Variants in PPFIA2 observed in about 807,000 individuals in gnomAD.
The protein encoded by PPFIA2 is liprin-alpha-2.
In PPFIA2, 46 loss-of-function variants were observed where a neutral mutation model predicts 175.5. That is an observed-to-expected ratio of 0.26 (90% CI 0.21 to 0.34). PPFIA2 has a LOEUF of 0.34. Among genes scored for constraint, PPFIA2 ranks in the 10% least tolerant of loss-of-function variants. The probability of loss-of-function intolerance (pLI) is 1.00; values close to 1 mark genes in which losing one functional copy is unlikely to be tolerated. For synonymous variants in PPFIA2, 568 were observed against 511.4 expected (o/e 1.11, Z -1.49); for missense variants, 1,179 against 1,506.1 (o/e 0.78, Z 3.60).
rs75720461 is a variant in PPFIA2, at chr12:81,420,754, T to A, written c.646-14851A>T. 5.0e-3 allele frequency among the ~76,000 whole-genome samples: 757 copies of A among 151,778 alleles called. 8 individuals are homozygous for A. Among genetic ancestry groups the A allele is most frequent in the African/African-American group, 0.017 (710 of 41,432 alleles). On this transcript the variant is annotated intron_variant, in intron 7 of 32. Coordinates refer to ENST00000549396, the MANE Select transcript of PPFIA2 (RefSeq NM_003625.5). ...GAAAGAAATTGATAGAAAGCATATT[T>A]AGAGAAATAACAGCTGAAAAATCCC...
intron 4 of PPFIA2, among the ~76,000 whole-genome samples, chr12:81,645,538 G>A (rs900048465): frequency 1.1e-4 from 16 of 152,294 alleles, no homozygotes; most frequent in Admixed American, 9.2e-4. Flanking sequence ...ATTGATCCCA[G>A]GCTAAAAATG....
At chr12:81,616,193 G>T (rs1019861928) in intron 4 of PPFIA2, among the ~76,000 whole-genome samples, 24 of 152,048 alleles carry the variant, frequency 1.6e-4, no homozygotes, top group African/African-American at 5.8e-4. Context: ...TCAGTATATT[G>T]TAGAAATAAC....
Position 81,258,681 on chromosome 12 carries a change from T to C in PPFIA2, c.*1013A>G, listed in dbSNP as rs1284644476. On this transcript the variant is annotated 3_prime_UTR_variant, in exon 33 of 33. Transcript: ENST00000549396. The stretch of plus-strand genomic sequence containing the variant: ...CATCTCGGCTAAAAGCTTATAACAT[T>C]AGACATGAGTCTGGCTAATGCCCTG... The C allele has an allele frequency of 6.6e-6, 1 of 152,100 alleles. No homozygotes were observed. Among genetic ancestry groups the C allele is most frequent in the Non-Finnish European group, 1.5e-5 (1 of 68,018 alleles). 9.4% of individuals were successfully genotyped at this position (152,100 alleles called of 1,614,324 possible). A position where few individuals can be genotyped will look rare whatever the true frequency, so the allele number is the denominator to read the frequency against.
At chr12:81,691,796 A>T (rs531825937) in intron 3 of PPFIA2, among the ~76,000 whole-genome samples, 1 of 152,136 alleles carries the variant, frequency 6.6e-6, no homozygotes, top group Non-Finnish European at 1.5e-5. Flanking sequence ...AAACACCAAG[A>T]AACAGTATTT....
At chr12:81,565,301 C>A (rs942261972) in intron 4 of PPFIA2, among the ~76,000 whole-genome samples, 1 of 152,134 alleles carries the variant, frequency 6.6e-6, no homozygotes, top group Non-Finnish European at 1.5e-5. Context: ...GCTTCTAGAC[C>A]TATAACTAGA....
chr12:81,268,132 CTT>C (rs746893824), intron 28 of PPFIA2, 45 bp from the exon 29 acceptor site: 21,018 of 605,752 alleles, frequency 0.035, no homozygotes, highest in Middle Eastern at 0.047. Context: ...ATTTTTCTTT[CTT>C]TTTTTTTTTT....
intron 4 of PPFIA2, among the ~76,000 whole-genome samples, chr12:81,521,651 CAAAAA>C (rs1167533871): frequency 1.1e-5 from 1 of 87,532 alleles, no homozygotes; most frequent in Non-Finnish European, 2.5e-5. Context: ...TAATAAAATA[CAAAAA>C]AAAAAAAAAA....
At chr12:81,433,824 A>C (rs537181366) in intron 7 of PPFIA2, among the ~76,000 whole-genome samples, 19 of 152,298 alleles carry the variant, frequency 1.2e-4, no homozygotes, top group Admixed American at 1.0e-3. Flanking sequence ...CAGTAAACTA[A>C]CTACATAGGC....
At chr12:81,741,783 G>T (rs531961486) in intron 3 of PPFIA2, among the ~76,000 whole-genome samples, 6 of 151,954 alleles carry the variant, frequency 3.9e-5, no homozygotes, top group African/African-American at 1.4e-4. Context: ...GCCCAATGGA[G>T]GAAGAAAGAG....
intron 17 of PPFIA2, among the ~76,000 whole-genome samples, chr12:81,351,595 G>A (rs1384033970): frequency 2.0e-5 from 3 of 151,922 alleles, no homozygotes; most frequent in African/African-American, 7.2e-5. Context: ...ACAGCCACAA[G>A]CACTAAGATT....
intron 4 of PPFIA2, among the ~76,000 whole-genome samples, chr12:81,583,488 A>C (rs948628578): frequency 1.3e-5 from 2 of 151,896 alleles, no homozygotes; most frequent in Admixed American, 1.3e-4. Context: ...GAGAAAATAC[A>C]TATTTTCCTT....
At chr12:81,311,350 G>T (rs916831799) in intron 22 of PPFIA2, among the ~76,000 whole-genome samples, 1 of 152,288 alleles carries the variant, frequency 6.6e-6, no homozygotes, top group South Asian at 2.1e-4. Context: ...CTCCAGGGAA[G>T]AACAGCATTT....
chr12:81,538,927 C>T (rs1295895249), intron 4 of PPFIA2, among the ~76,000 whole-genome samples: 1 of 151,770 alleles, frequency 6.6e-6, no homozygotes, highest in Non-Finnish European at 1.5e-5. Context: ...CATAGAGCGA[C>T]CAGGGTAGAA....
At chr12:81,612,193 A>G (rs574935693) in intron 4 of PPFIA2, among the ~76,000 whole-genome samples, 7 of 151,054 alleles carry the variant, frequency 4.6e-5, no homozygotes, top group African/African-American at 1.7e-4. Context: ...CATACATCCT[A>G]CTTCTGGGCC....
At chr12:81,740,343 CTT>C (rs1476791793) in intron 3 of PPFIA2, among the ~76,000 whole-genome samples, 1 of 152,152 alleles carries the variant, frequency 6.6e-6, no homozygotes, top group Non-Finnish European at 1.5e-5. Flanking sequence ...TGTTATGACT[CTT>C]AAGTAATCAA....
chr12:81,649,262 G>A (rs931645207), intron 4 of PPFIA2, among the ~76,000 whole-genome samples: 1 of 152,000 alleles, frequency 6.6e-6, no homozygotes. Flanking sequence ...TCCATAACAA[G>A]AAGATTAAAA....
intron 21 of PPFIA2, among the ~76,000 whole-genome samples, chr12:81,327,406 A>G (rs1196981965): frequency 6.6e-6 from 1 of 152,006 alleles, no homozygotes; most frequent in Admixed American, 6.6e-5. Flanking sequence ...CAAATGGGAA[A>G]TTTTCCATTA....
chr12:81,491,610 C>G (rs768424674), intron 4 of PPFIA2, among the ~76,000 whole-genome samples: 4 of 151,872 alleles, frequency 2.6e-5, no homozygotes, highest in African/African-American at 4.8e-5. Context: ...TGCGCTCTCT[C>G]TCTGTGCCAC....
intron 3 of PPFIA2, among the ~76,000 whole-genome samples, chr12:81,718,272 T>C (rs2078896918): frequency 6.6e-6 from 1 of 151,610 alleles, no homozygotes; most frequent in Admixed American, 6.6e-5. Context: ...TCTGTGATAA[T>C]GTGAAATTTC....
Sources: allele counts gnomAD v4.1 joint callset (sites outside exome capture counted in the v4.1 genomes callset), GRCh38; gene constraint gnomAD v4.1.1; transcripts MANE v1.5; gene names NCBI Gene and HGNC (gene_info 2026-07-23, HGNC 2026-07-21).